The following PLRG1 variants were observed in gnomAD, a reference collection of about 807,000 sequenced individuals.
The protein encoded by PLRG1 is pleiotropic regulator 1 (PRL1 homolog, Arabidopsis).
In PLRG1, 28 loss-of-function variants were observed where a neutral mutation model predicts 74.9. The observed-to-expected ratio is 0.37, with a 90% CI of 0.28 to 0.51. The LOEUF is 0.51. PLRG1 is among the 20% of genes least tolerant of loss of function. The probability of loss-of-function intolerance (pLI) is 0.91; values close to 1 mark genes in which losing one functional copy is unlikely to be tolerated. For synonymous variants in PLRG1, 197 were observed against 212.4 expected (o/e 0.93, Z 0.63); for missense variants, 445 against 631.9 (o/e 0.70, Z 3.17).
chr4:154,541,882 A>G (rs1307056005), intron 8 of PLRG1: 3 of 314,040 alleles, frequency 9.6e-6, no homozygotes, highest in East Asian at 6.0e-5. Context: ...CTAATTCTCT[A>G]TATTTTCCAC....
At chr4:154,550,104 C>A (rs1198807246) in intron 1 of PLRG1, among the ~76,000 whole-genome samples, 196 bp downstream of exon 1, 1 of 152,212 alleles carries the variant, frequency 6.6e-6, no homozygotes, top group Non-Finnish European at 1.5e-5. Flanking sequence ...CCAGGCTGAA[C>A]CTCCGACTCG....
rs1363919306 is a variant in PLRG1 at position 154,548,822 on chromosome 4, C to T, written c.116+7G>A. Reference sequence around the variant, plus strand: ...TTTAGCAATTGAAAAAAAAAAACTACACCAACCTCTCTTCATCTAAAGGCA... The same window carrying T: ...TTTAGCAATTGAAAAAAAAAAACTATACCAACCTCTCTTCATCTAAAGGCA... On this transcript the variant is annotated splice_region_variant and intron_variant, in intron 2 of 14. Transcript: ENST00000499023. 1.1e-5 allele frequency: 16 copies of T among 1,471,904 alleles called. No individual in the cohort carries two copies. The highest frequency in any genetic ancestry group is 1.5e-5 in the Non-Finnish European group (16 of 1,056,568). The allele number at this position is 1,471,904 out of a possible 1,614,324, so 91.2% of individuals were successfully genotyped here.
chr4:154,538,851 T>C (rs1322229429), intron 12 of PLRG1, among the ~76,000 whole-genome samples: 1 of 152,160 alleles, frequency 6.6e-6, no homozygotes, highest in Non-Finnish European at 1.5e-5. Flanking sequence ...ACATGCAGCA[T>C]TTAATCATGA....
chr4:154,537,144 G>C (rs1361569878), intron 14 of PLRG1, 142 bp downstream of exon 14: 2 of 539,986 alleles, frequency 3.7e-6, no homozygotes, highest in African/African-American at 3.9e-5. Context: ...AAACAATATA[G>C]AAATATATAA....
Position 154,535,558 on chromosome 4 carries a change from T to G in PLRG1, c.*1127A>C, listed in dbSNP as rs187315218. 6 of 151,470 alleles carry G rather than the reference T, an allele frequency of 4.0e-5. No individual in the cohort carries two copies. The East Asian group carries it at 1.2e-3, about 29-fold the overall frequency. The allele number at this position is 151,470 out of a possible 1,614,324, so 9.4% of individuals were successfully genotyped here. ...GCTTGTTCAAAATCATGGTGCAATT[T>G]TTTAATTTGGAAAATTTAAAAAATT... On this transcript the variant is annotated 3_prime_UTR_variant, in exon 15 of 15. Coordinates refer to ENST00000499023, the MANE Select transcript of PLRG1 (RefSeq NM_002669.4).
intron 12 of PLRG1, chr4:154,538,892 T>C: frequency 2.1e-6 from 1 of 483,306 alleles, no homozygotes. Context: ...ATTATTTATT[T>C]GTTATCAAGT....
chr4:154,540,839 C>G lies in PLRG1; in HGVS notation c.783G>C (p.Leu261=), dbSNP rs772310615. 1 of 1,613,564 alleles carries G rather than the reference C, an allele frequency of 6.2e-7. No homozygotes were observed. Among genetic ancestry groups the G allele is most frequent in the South Asian group, 1.1e-5 (1 of 91,070 alleles). ...GVIVSTRSPY[L]FSCGEDKQVK... is the part of the protein sequence containing the mutation. ...CTTGTTTGTCTTCTCCACAAGAGAA[C>G]AGATATGGGCTCCTTGTGCTTACTA... The change falls in exon 9 of 15, where the codon CTG becomes CTC. Residue 261 remains leucine, a synonymous_variant. Coordinates refer to ENST00000499023, the MANE Select transcript of PLRG1 (RefSeq NM_002669.4).
Position 154,536,508 on chromosome 4 carries a change from G to A in PLRG1, c.*177C>T, listed in dbSNP as rs1012082387. ...ATTGTTTTAGAAATAAAAACACAGG[G>A]GTAGGGGACAGGGGACAGTTTATTG... On this transcript the variant is annotated 3_prime_UTR_variant, in exon 15 of 15. Transcript: ENST00000499023. 1 of 584,660 alleles carries A rather than the reference G, an allele frequency of 1.7e-6. No homozygotes were observed. The highest frequency in any genetic ancestry group is 1.9e-5 in the African/African-American group (1 of 52,136). 36.2% of individuals were successfully genotyped at this position (584,660 alleles called of 1,614,324 possible).
At position 154,537,451 on chromosome 4, in the gene PLRG1, G is replaced by A. The variant is rs148499529; in HGVS notation, c.1320C>T (p.Asp440=). 1.2e-6 allele frequency: 2 copies of A among 1,613,076 alleles called. No individual in the cohort carries two copies. The highest frequency in any genetic ancestry group is 2.7e-5 in the African/African-American group (2 of 74,878). Residue 440 remains aspartate, a synonymous_variant, in exon 14 of 15, where the codon GAC becomes GAT. Coordinates refer to ENST00000499023, the MANE Select transcript of PLRG1 (RefSeq NM_002669.4). The stretch of plus-strand genomic sequence containing the variant: ...TCTGAAAATTGTAGCCAGTTCTCCA[G>A]TCCCAAAGATGCATGGTGCCATTGT... The part of the protein sequence containing the change: ...GADNGTMHLW[D]WRTGYNFQRV...
At chr4:154,542,388 T>A in intron 7 of PLRG1, 109 bp from the exon 8 acceptor site, 1 of 671,500 alleles carries the variant, frequency 1.5e-6, no homozygotes, top group South Asian at 1.7e-5. Flanking sequence ...TCATAAAAGA[T>A]AATGACTATT....
intron 4 of PLRG1, 130 bp downstream of exon 4, chr4:154,546,881 G>T (rs1729665760): frequency 1.4e-6 from 1 of 735,134 alleles, no homozygotes. Context: ...TACCTACAAA[G>T]CTATGCATGG....
Position 154,535,433 on chromosome 4 carries a change from G to T in PLRG1, c.*1252C>A, listed in dbSNP as rs1053666786. ...TAGGAATGAACTTAGTAGGCCAAAA[G>T]GTTCAAAGTTTCAATAAATCCCAGA... On this transcript the variant is annotated 3_prime_UTR_variant, in exon 15 of 15. Coordinates refer to ENST00000499023, the MANE Select transcript of PLRG1 (RefSeq NM_002669.4). The T allele has an allele frequency of 6.6e-6, 1 of 151,356 alleles. No individual in the cohort carries two copies. The highest frequency in any genetic ancestry group is 1.5e-5 in the Non-Finnish European group (1 of 67,908). The allele number at this position is 151,356 out of a possible 1,614,324, so 9.4% of individuals were successfully genotyped here.
intron 8 of PLRG1, among the ~76,000 whole-genome samples, chr4:154,541,696 G>A (rs1441320389): frequency 1.3e-5 from 2 of 151,954 alleles, no homozygotes; most frequent in African/African-American, 2.4e-5. Flanking sequence ...TTGATACAAC[G>A]TTAAGTGAAA....
intron 8 of PLRG1, 114 bp downstream of exon 8, chr4:154,542,073 G>A: frequency 1.5e-6 from 1 of 684,164 alleles, no homozygotes; most frequent in South Asian, 1.7e-5. Context: ...TCCTTATTCA[G>A]GTCTAAAATA....
intron 1 of PLRG1, 107 bp downstream of exon 1, chr4:154,550,193 T>C (rs887769415): frequency 5.7e-6 from 6 of 1,051,974 alleles, no homozygotes; most frequent in Non-Finnish European, 7.5e-6. Context: ...GCTCCCCTCG[T>C]AGCCTCTTTT....
intron 7 of PLRG1, among the ~76,000 whole-genome samples, chr4:154,542,799 C>T (rs576592166): frequency 2.3e-4 from 32 of 138,248 alleles, no homozygotes; most frequent in African/African-American, 7.3e-4. Flanking sequence ...ACAAATATTG[C>T]GTGCTCTCTC....
intron 10 of PLRG1, 33 bp downstream of exon 10, chr4:154,540,561 T>A (rs1483824360): frequency 2.2e-6 from 3 of 1,392,764 alleles, no homozygotes; most frequent in Non-Finnish European, 3.1e-6. Flanking sequence ...TGCAATATAT[T>A]TACAGATAAA....
chr4:154,542,161 T>C, intron 8 of PLRG1, 26 bp downstream of exon 8: 1 of 1,350,430 alleles, frequency 7.4e-7, no homozygotes, highest in Non-Finnish European at 1.1e-6. Context: ...CAAAGTCATG[T>C]TTATTTTTTC....
chr4:154,549,184 C>T (rs1285258213), intron 1 of PLRG1: 1 of 466,390 alleles, frequency 2.1e-6, no homozygotes, highest in Non-Finnish European at 4.1e-6. Flanking sequence ...TTACTGAGCT[C>T]CTACTGTGTG....
Sources: gnomAD v4.1 joint callset for allele counts (sites outside exome capture counted in the v4.1 genomes callset) on GRCh38, gnomAD v4.1.1 for gene constraint, MANE v1.5 for transcripts, NCBI Gene and HGNC (gene_info 2026-07-23, HGNC 2026-07-21) for gene names.